KAZN: variants seen among roughly 807,000 people sequenced by gnomAD.
KAZN encodes the protein kazrin, periplakin interacting protein.
Under a neutral mutation model 87.4 loss-of-function variants are expected in KAZN, and 40 were observed. That is an observed-to-expected ratio of 0.46 (90% CI 0.36 to 0.60). The LOEUF (loss-of-function observed/expected upper bound fraction) is 0.60, where lower values mean the gene tolerates loss of function less well. Among genes scored for constraint, KAZN ranks in the 20% least tolerant of loss-of-function variants. KAZN has a pLI of 0.00. For synonymous variants in KAZN, 466 were observed against 458.3 expected, an observed-to-expected ratio of 1.02 and a Z score of -0.22; for missense variants, 898 against 1,073.9, an observed-to-expected ratio of 0.84 and a Z score of 2.29.
chr1:14,822,276 C>T (rs1646756274), intron 1 of KAZN, among the ~76,000 whole-genome samples: 1 of 152,108 alleles, frequency 6.6e-6, no homozygotes, highest in Non-Finnish European at 1.5e-5. Context: ...GGGAAAGAGG[C>T]TGGACTAGAG....
chr1:14,827,277 A>G (rs1466551049), intron 1 of KAZN, among the ~76,000 whole-genome samples: 1 of 151,958 alleles, frequency 6.6e-6, no homozygotes, highest in Non-Finnish European at 1.5e-5. Context: ...ACTTTCCGTA[A>G]GTGTTTGGGG....
At chr1:14,432,184 G>A (rs1307472795) in intron 2 of KAZN, among the ~76,000 whole-genome samples, 1 of 152,150 alleles carries the variant, frequency 6.6e-6, no homozygotes, top group Non-Finnish European at 1.5e-5. Flanking sequence ...CTTCCCCAAA[G>A]AACAACTTTT....
upstream of KAZN, chr1:14,598,609 T>A (rs1295787): frequency 1.9e-6 from 2 of 1,053,672 alleles, no homozygotes; most frequent in Non-Finnish European, 2.3e-6. The surrounding 1 kb of genome is among the most constrained non-coding windows in gnomAD (Gnocchi z 4.2). Context: ...GCCCCCAGCC[T>A]CCGACCGAGA....
chr1:14,082,840 C>T (rs1643731548), intron 1 of KAZN, among the ~76,000 whole-genome samples: 1 of 152,210 alleles, frequency 6.6e-6, no homozygotes, highest in Admixed American at 6.5e-5. Context: ...AAGTACCCCT[C>T]CCACTTTACC....
intron 2 of KAZN, among the ~76,000 whole-genome samples, chr1:14,425,792 G>T (rs1336089384): frequency 6.6e-6 from 1 of 152,164 alleles, no homozygotes; most frequent in African/African-American, 2.4e-5. Context: ...TATAGGTAAG[G>T]AGACTGAGAC....
At chr1:14,392,914 T>C (rs1373057475) in intron 2 of KAZN, among the ~76,000 whole-genome samples, 2 of 152,170 alleles carry the variant, frequency 1.3e-5, no homozygotes, top group East Asian at 1.9e-4. Flanking sequence ...AGTTGGGGTC[T>C]TCTGGTCAGG....
intron 1 of KAZN, among the ~76,000 whole-genome samples, chr1:13,895,460 T>C (rs982857959): frequency 6.6e-6 from 1 of 152,000 alleles, no homozygotes. Flanking sequence ...GCCTCTTTTT[T>C]AAAAAAACAT....
chr1:14,373,355 G>C (rs1055772479), intron 2 of KAZN, among the ~76,000 whole-genome samples: 4 of 152,122 alleles, frequency 2.6e-5, no homozygotes, highest in Non-Finnish European at 5.9e-5. Context: ...CCAAAGGCCT[G>C]AGAACCAGGA....
At chr1:14,957,805 A>C (rs1409378002) in intron 1 of KAZN, among the ~76,000 whole-genome samples, 1 of 152,230 alleles carries the variant, frequency 6.6e-6, no homozygotes, top group African/African-American at 2.4e-5. Context: ...CCAAAGAGGC[A>C]GCTAATATGC....
intron 1 of KAZN, among the ~76,000 whole-genome samples, chr1:14,839,422 A>C: frequency 6.6e-6 from 1 of 152,192 alleles, no homozygotes; most frequent in Non-Finnish European, 1.5e-5. Context: ...CATTCAATAA[A>C]TGCTAGGGAT....
chr1:14,113,011 G>T (rs1183024300), intron 1 of KAZN, among the ~76,000 whole-genome samples: 1 of 152,206 alleles, frequency 6.6e-6, no homozygotes, highest in African/African-American at 2.4e-5. Flanking sequence ...TGTCTAAAGT[G>T]ACACATCATT....
At chr1:14,300,246 G>A (rs1368855255) in intron 2 of KAZN, among the ~76,000 whole-genome samples, 2 of 143,700 alleles carry the variant, frequency 1.4e-5, no homozygotes, top group Non-Finnish European at 3.1e-5. Flanking sequence ...AGTTTAATGG[G>A]CAGCTATGGA....
In KAZN at chr1:14,989,933, G is replaced by A. The variant is rs77803624; in HGVS notation, c.418+29058G>A. ...CATTGGAGCAGAGGAGATAGGCATCGATGTTTAACCAGTAGCTGCCGTGGG... is the reference window on the plus strand; with the variant it reads ...CATTGGAGCAGAGGAGATAGGCATCAATGTTTAACCAGTAGCTGCCGTGGG... On this transcript the variant is annotated intron_variant, in intron 2 of 14. Coordinates refer to ENST00000376030, the MANE Select transcript of KAZN (RefSeq NM_201628.3). 2.6e-5 allele frequency among the ~76,000 whole-genome samples: 4 copies of A among 152,314 alleles called. No individual in the cohort carries two copies. In the East Asian group the frequency reaches 7.7e-4, roughly 29 times the overall value.
At chr1:15,042,224 C>T (rs1466831661) in intron 3 of KAZN, among the ~76,000 whole-genome samples, 3 of 152,196 alleles carry the variant, frequency 2.0e-5, no homozygotes. Context: ...TATAAGCAGC[C>T]TCTTGTACAC....
chr1:14,576,430 T>C (rs1675189534), intron 2 of KAZN, among the ~76,000 whole-genome samples: 1 of 151,120 alleles, frequency 6.6e-6, no homozygotes, highest in Non-Finnish European at 1.5e-5. Flanking sequence ...GGTAGATGGA[T>C]GAATGGAACA....
At chr1:14,398,136 TA>T (rs1663059872) in intron 2 of KAZN, among the ~76,000 whole-genome samples, 1 of 152,230 alleles carries the variant, frequency 6.6e-6, no homozygotes, top group African/African-American at 2.4e-5. Flanking sequence ...ATAAAACTAA[TA>T]TAGTCATGAG....
chr1:14,100,954 C>T (rs1281600522), intron 1 of KAZN, among the ~76,000 whole-genome samples: 1 of 152,182 alleles, frequency 6.6e-6, no homozygotes, highest in Non-Finnish European at 1.5e-5. Context: ...ACAAGCTCTC[C>T]CTTTGCCTGC....
intron 1 of KAZN, among the ~76,000 whole-genome samples, chr1:14,784,147 C>T (rs892616563): frequency 1.2e-4 from 18 of 152,144 alleles, no homozygotes; most frequent in Non-Finnish European, 2.5e-4. Flanking sequence ...GCTGCTGCCT[C>T]GGGTGGAGTT....
chr1:14,119,807 T>C (rs566809548), intron 1 of KAZN, among the ~76,000 whole-genome samples: 2 of 152,300 alleles, frequency 1.3e-5, no homozygotes, highest in South Asian at 4.2e-4. Context: ...GGCTTAGTAC[T>C]GTACTAAGTT....
Sources: gnomAD v4.1 joint callset for allele counts (sites outside exome capture counted in the v4.1 genomes callset) on GRCh38, gnomAD v4.1.1 for gene constraint, Gnocchi (gnomAD v3.1) non-coding constraint, MANE v1.5 for transcripts, NCBI Gene and HGNC (gene_info 2026-07-23, HGNC 2026-07-21) for gene names.